SAMD5: variants seen among roughly 807,000 people sequenced by gnomAD.
SAMD5 encodes sterile alpha motif domain-containing protein 5.
A neutral mutation model predicts 11.3 loss-of-function variants in SAMD5; 13 were observed. The ratio of observed to expected loss-of-function variants is 1.15; its 90% confidence interval spans 0.75 to 1.83. The LOEUF (loss-of-function observed/expected upper bound fraction) is 1.83. Ranked by LOEUF, SAMD5 falls within the 40% of genes most tolerant of loss-of-function variation. SAMD5 has a pLI of 0.00. For synonymous variants in SAMD5, 129 were observed against 111.3 expected (o/e 1.16, Z -1.00); for missense variants, 255 against 239.1 (o/e 1.07, Z -0.44).
intron 1 of SAMD5, among the ~76,000 whole-genome samples, chr6:147,731,553 T>A (rs1791713752): frequency 6.6e-6 from 1 of 151,826 alleles, no homozygotes; most frequent in Non-Finnish European, 1.5e-5. Flanking sequence ...CTCTGTACCC[T>A]CTGTCTCCCT....
the SAMD5 span, among the ~76,000 whole-genome samples, chr6:147,808,970 T>A: frequency 2.0e-5 from 3 of 152,236 alleles, no homozygotes; most frequent in Non-Finnish European, 1.5e-5. Context: ...TTGCTGTATA[T>A]TTATAAACAG....
At chr6:147,598,207 C>A (rs1789562710) in intron 1 of SAMD5, among the ~76,000 whole-genome samples, 1 of 151,954 alleles carries the variant, frequency 6.6e-6, no homozygotes, top group Non-Finnish European at 1.5e-5. Flanking sequence ...TCACTGCAAC[C>A]TCTGCCTCCT....
At chr6:147,908,592 C>G in the SAMD5 span, among the ~76,000 whole-genome samples, 1 of 152,136 alleles carries the variant, frequency 6.6e-6, no homozygotes, top group Non-Finnish European at 1.5e-5. Context: ...GGGCTTGTAC[C>G]ACTTTGCAGC....
intron 1 of SAMD5, among the ~76,000 whole-genome samples, chr6:147,666,744 G>A (rs11155521): frequency 0.13 from 19,276 of 152,060 alleles, 1,365 homozygotes; most frequent in African/African-American, 0.2. Flanking sequence ...ATATTATGTG[G>A]CCCCCATAGA....
chr6:147,748,998 G>T, the SAMD5 span, among the ~76,000 whole-genome samples: 1 of 152,038 alleles, frequency 6.6e-6, no homozygotes, highest in African/African-American at 2.4e-5. Context: ...AAGGCTAAGG[G>T]CCTTCTCTCT....
At position 147,567,675 on chromosome 6, in the gene SAMD5, T is replaced by G; in HGVS notation, c.*3219T>G. 1.0e-6 allele frequency: 1 copy of G among 985,422 alleles called. No individual in the cohort carries two copies. The highest frequency in any genetic ancestry group is 1.7e-5 in the African/African-American group (1 of 57,358). 61.0% of individuals were successfully genotyped at this position (985,422 alleles called of 1,614,324 possible). On this transcript the variant is annotated 3_prime_UTR_variant, in exon 2 of 2. Coordinates refer to ENST00000367474, the MANE Select transcript of SAMD5 (RefSeq NM_001030060.3). Reference sequence around the variant, plus strand: ...CTTCCCTTCTTTACTCTCAGTTGTCTTATTTCTTCTTATGCAGAAGAGATT... The same window carrying G: ...CTTCCCTTCTTTACTCTCAGTTGTCGTATTTCTTCTTATGCAGAAGAGATT...
chr6:147,684,691 A>T (rs1224688987), intron 1 of SAMD5, among the ~76,000 whole-genome samples: 2 of 152,272 alleles, frequency 1.3e-5, no homozygotes, highest in South Asian at 2.1e-4. Flanking sequence ...CATTTTCCAG[A>T]TGACTAATAA....
At chr6:147,715,702 G>A (rs917911663) in intron 1 of SAMD5, among the ~76,000 whole-genome samples, 3 of 152,214 alleles carry the variant, frequency 2.0e-5, no homozygotes, top group African/African-American at 7.2e-5. Flanking sequence ...ATGTGGATAA[G>A]TGGAGAGTGA....
At chr6:147,673,953 G>A (rs1790829946) in intron 1 of SAMD5, among the ~76,000 whole-genome samples, 1 of 152,154 alleles carries the variant, frequency 6.6e-6, no homozygotes, top group East Asian at 1.9e-4. Flanking sequence ...AGTGTACAAG[G>A]CAATTTTAAG....
the SAMD5 span, among the ~76,000 whole-genome samples, chr6:147,792,740 C>A: frequency 6.6e-6 from 1 of 152,028 alleles, no homozygotes; most frequent in Admixed American, 6.6e-5. Context: ...AGGAAGTACT[C>A]AAGAAACATG....
chr6:147,619,165 G>T (rs1442825932), intron 1 of SAMD5, among the ~76,000 whole-genome samples: 1 of 152,186 alleles, frequency 6.6e-6, no homozygotes, highest in Admixed American at 6.5e-5. Flanking sequence ...TGTGGGCAGG[G>T]CCGTGACGTG....
chr6:147,871,113 C>T, the SAMD5 span, among the ~76,000 whole-genome samples: 1 of 152,152 alleles, frequency 6.6e-6, no homozygotes, highest in East Asian at 1.9e-4. Context: ...CCCTTGTACA[C>T]ACTCTGGAGT....
chr6:147,557,461 A>T (rs1051203353), intron 1 of SAMD5, among the ~76,000 whole-genome samples: 3 of 151,630 alleles, frequency 2.0e-5, no homozygotes, highest in Non-Finnish European at 4.4e-5. Context: ...TCTAGGGGAG[A>T]CTCTTTCCTT....
chr6:147,921,407 A>C, the SAMD5 span, among the ~76,000 whole-genome samples: 3 of 152,164 alleles, frequency 2.0e-5, no homozygotes, highest in African/African-American at 7.2e-5. Flanking sequence ...GTAGGAGTCT[A>C]TGAGAGATTA....
chr6:147,864,212 G>A, the SAMD5 span, among the ~76,000 whole-genome samples: 5 of 152,006 alleles, frequency 3.3e-5, no homozygotes, highest in African/African-American at 4.8e-5. Context: ...GAATTTTCCC[G>A]CCCTAGAAAA....
the SAMD5 span, among the ~76,000 whole-genome samples, chr6:147,879,174 C>A: frequency 6.6e-6 from 1 of 152,306 alleles, no homozygotes; most frequent in South Asian, 2.1e-4. Flanking sequence ...TTTGTGCTTA[C>A]CTCATATGCA....
At chr6:147,748,562 A>G in the SAMD5 span, among the ~76,000 whole-genome samples, 1 of 152,180 alleles carries the variant, frequency 6.6e-6, no homozygotes, top group Non-Finnish European at 1.5e-5. Context: ...ACTTGGAAAA[A>G]GAATAAAGAA....
the SAMD5 span, among the ~76,000 whole-genome samples, chr6:147,832,813 C>T: frequency 6.7e-3 from 1,019 of 152,220 alleles, 9 homozygotes; most frequent in African/African-American, 0.021. Context: ...CTTAACCCAA[C>T]GCTCCCAAAT....
chr6:147,789,270 T>C, the SAMD5 span, among the ~76,000 whole-genome samples: 175 of 134,092 alleles, frequency 1.3e-3, 1 homozygote, highest in East Asian at 7.1e-4. Context: ...AGACCCAGTC[T>C]CTAGAAAAAC....
Sources: allele counts gnomAD v4.1 joint callset (sites outside exome capture counted in the v4.1 genomes callset), GRCh38; gene constraint gnomAD v4.1.1; transcripts MANE v1.5; gene names NCBI Gene and HGNC (gene_info 2026-07-23, HGNC 2026-07-21).